The following APBA2 variants were observed in gnomAD, a reference collection of about 807,000 sequenced individuals.
The protein encoded by APBA2 is amyloid-beta A4 precursor protein-binding family A member 2.
Under a neutral mutation model 75.0 loss-of-function variants are expected in APBA2, and 30 were observed. The ratio of observed to expected loss-of-function variants is 0.40; its 90% CI spans 0.30 to 0.54. APBA2 has a LOEUF of 0.54. APBA2 is among the 20% of genes least tolerant of loss of function. APBA2 has a pLI of 0.49. For synonymous variants in APBA2, 444 were observed against 409.6 expected, an observed-to-expected ratio of 1.08 and a Z score of -1.01; for missense variants, 801 against 1,016.1, an observed-to-expected ratio of 0.79 and a Z score of 2.88.
chr15:28,996,102 C>G (rs1429324779), intron 3 of APBA2, among the ~76,000 whole-genome samples: 1 of 152,178 alleles, frequency 6.6e-6, no homozygotes, highest in Non-Finnish European at 1.5e-5. Flanking sequence ...CTGTCCTCTC[C>G]TCATTATACT....
intron 2 of APBA2, among the ~76,000 whole-genome samples, chr15:28,950,610 G>A (rs2035810390): frequency 6.8e-6 from 1 of 148,136 alleles, no homozygotes; most frequent in Non-Finnish European, 1.5e-5. Context: ...CTAGGCGACA[G>A]AGTGAGATTC....
chr15:28,942,058 C>T (rs2035264888), intron 2 of APBA2, among the ~76,000 whole-genome samples: 1 of 152,236 alleles, frequency 6.6e-6, no homozygotes, highest in Admixed American at 6.5e-5. Context: ...TGCGCCTGGC[C>T]TCATAGCCAT....
At chr15:29,060,397 G>A (rs1433852010) in intron 4 of APBA2, among the ~76,000 whole-genome samples, 2 of 152,144 alleles carry the variant, frequency 1.3e-5, no homozygotes, top group Non-Finnish European at 2.9e-5. Flanking sequence ...CCGTGCCTCT[G>A]AACAGTGCAT....
intron 7 of APBA2, 116 bp downstream of exon 7, chr15:29,093,336 C>T (rs1443438475): frequency 2.7e-6 from 4 of 1,456,194 alleles, no homozygotes; most frequent in African/African-American, 1.4e-5. Flanking sequence ...GCCCTCAGCA[C>T]AGGGGGCAGG....
chr15:29,090,824 A>AG (rs1365306551), intron 6 of APBA2, among the ~76,000 whole-genome samples: 1 of 152,122 alleles, frequency 6.6e-6, no homozygotes, highest in African/African-American at 2.4e-5. Flanking sequence ...TAGTAGAAAC[A>AG]GGCCTACCTC....
chr15:29,106,344 T>G (rs2044400754), intron 11 of APBA2, among the ~76,000 whole-genome samples: 2 of 115,244 alleles, frequency 1.7e-5, no homozygotes, highest in Admixed American at 1.1e-4. Flanking sequence ...CAGGCACGGG[T>G]GGGGATAGGG....
chr15:29,055,326 A>G (rs1328524662), intron 4 of APBA2, among the ~76,000 whole-genome samples: 4 of 152,204 alleles, frequency 2.6e-5, no homozygotes, highest in African/African-American at 4.8e-5. Flanking sequence ...GGGTCTCTGA[A>G]AGCCCGGGGG....
chr15:29,056,880 A>G (rs1193766812), intron 4 of APBA2, among the ~76,000 whole-genome samples: 4 of 152,026 alleles, frequency 2.6e-5, no homozygotes, highest in Admixed American at 2.6e-4. Context: ...CTGACCAGAA[A>G]GAGCCGTAGA....
intron 3 of APBA2, among the ~76,000 whole-genome samples, chr15:29,019,689 T>C (rs2039853613): frequency 6.6e-6 from 1 of 152,232 alleles, no homozygotes; most frequent in Non-Finnish European, 1.5e-5. Context: ...CTCATTTGCT[T>C]TAACTGCTGC....
rs200606132 is a variant in APBA2 at position 29,104,929 on chromosome 15, C to CT, written c.1525-443dup. On this transcript the variant is annotated intron_variant, in intron 10 of 14. Transcript: ENST00000683413. ...CAAGACCCCTATCTCTACAAGAAAA[C>CT]TTTTTTTAATTAGCTGGATGTGGTT... 6.0e-3 allele frequency among the ~76,000 whole-genome samples: 907 copies of CT among 151,642 alleles called. 10 individuals are homozygous for CT. Among genetic ancestry groups the CT allele is most frequent in the African/African-American group, 0.021 (872 of 41,032 alleles).
At chr15:28,999,040 C>T (rs1246071765) in intron 3 of APBA2, among the ~76,000 whole-genome samples, 2 of 151,664 alleles carry the variant, frequency 1.3e-5, no homozygotes, top group Non-Finnish European at 2.9e-5. Context: ...CCCAGCTACT[C>T]GGGAGGCTGA....
intron 2 of APBA2, among the ~76,000 whole-genome samples, chr15:28,950,673 A>G (rs1435432301): frequency 6.6e-6 from 1 of 151,876 alleles, no homozygotes; most frequent in Admixed American, 6.6e-5. Flanking sequence ...CCTTCTTTCC[A>G]TAGTCCTCCC....
At chr15:28,962,104 G>A (rs1028549978) in intron 2 of APBA2, among the ~76,000 whole-genome samples, 4 of 152,154 alleles carry the variant, frequency 2.6e-5, no homozygotes, top group East Asian at 1.9e-4. Context: ...CTCCTGGGGC[G>A]TGAACGTGTG....
chr15:29,065,107 G>A (rs1411802091), intron 4 of APBA2, among the ~76,000 whole-genome samples: 3 of 152,120 alleles, frequency 2.0e-5, no homozygotes, highest in Non-Finnish European at 4.4e-5. Flanking sequence ...TGTGGGGAGT[G>A]AGAGCATTGG....
chr15:29,025,524 G>A lies in APBA2; in HGVS notation c.-40-28321G>A, dbSNP rs150540976. On this transcript the variant is annotated intron_variant, in intron 3 of 14. Coordinates refer to ENST00000683413, the MANE Select transcript of APBA2 (RefSeq NM_001353788.2). ...CTTGACCTTGTGATCCGCCTGCCTC[G>A]GCCTCCCAGAGTGCTGGGATTACAG... Among the ~76,000 whole-genome samples the A allele has an allele frequency of 4.2e-3, 634 of 151,908 alleles. 6 individuals carry two copies. The highest frequency in any genetic ancestry group is 0.014 in the African/African-American group (591 of 41,458).
At chr15:28,994,881 G>A (rs1164604803) in intron 2 of APBA2, among the ~76,000 whole-genome samples, 1 of 152,180 alleles carries the variant, frequency 6.6e-6, no homozygotes, top group Non-Finnish European at 1.5e-5. Flanking sequence ...GCAGCCATTC[G>A]TGAAGGGCTC....
intron 1 of APBA2, among the ~76,000 whole-genome samples, chr15:28,897,910 T>C (rs1360782699): frequency 3.9e-5 from 6 of 152,140 alleles, no homozygotes; most frequent in African/African-American, 1.4e-4. Context: ...GTTTTGCAGA[T>C]GTGTTTAAGG....
intron 2 of APBA2, among the ~76,000 whole-genome samples, chr15:28,948,264 G>A (rs1261315455): frequency 1.3e-5 from 2 of 152,304 alleles, no homozygotes; most frequent in East Asian, 1.9e-4. Context: ...TGAGGCCACG[G>A]CGCTTTCTTT....
chr15:29,117,058 G>C lies in APBA2; in HGVS notation c.2179-4G>C, dbSNP rs564042136. 5 of 1,613,090 alleles carry C rather than the reference G, an allele frequency of 3.1e-6. No individual in the cohort carries two copies. The African/African-American group carries it at 4.0e-5, about 13-fold the overall frequency. ...GCGGCTCAGCCTCCTGTTTCTGTCCGCAGATCCACATGAAGACCATGCCCG... is the reference window on the plus strand; with the variant it reads ...GCGGCTCAGCCTCCTGTTTCTGTCCCCAGATCCACATGAAGACCATGCCCG... On this transcript the variant is annotated splice_polypyrimidine_tract_variant and splice_region_variant and intron_variant, in intron 14 of 14. Transcript: ENST00000683413.
Sources: gnomAD v4.1 joint callset for allele counts (sites outside exome capture counted in the v4.1 genomes callset) on GRCh38, gnomAD v4.1.1 for gene constraint, MANE v1.5 for transcripts, NCBI Gene and HGNC (gene_info 2026-07-23, HGNC 2026-07-21) for gene names.